The following ERCC3 variants were observed in gnomAD, a reference collection of about 807,000 sequenced individuals.
ERCC3 encodes the protein general transcription and DNA repair factor IIH helicase/translocase subunit XPB.
In ERCC3, 66 loss-of-function variants were observed where a neutral mutation model predicts 94.2. That is an observed-to-expected ratio of 0.70 (90% confidence interval 0.57 to 0.86). The LOEUF (loss-of-function observed/expected upper bound fraction) is 0.86, where lower values mean the gene tolerates loss of function less well. Among genes scored for constraint, ERCC3 ranks in the 40% least tolerant of loss-of-function variants. The pLI, the probability that ERCC3 is intolerant of heterozygous loss-of-function variation, is 0.00. For synonymous variants in ERCC3, 349 were observed against 369.1 expected (o/e 0.95, Z 0.63); for missense variants, 829 against 987.1 (o/e 0.84, Z 2.15).
At chr2:127,267,426 A>G (rs1015386328) in intron 12 of ERCC3, among the ~76,000 whole-genome samples, 1 of 141,290 alleles carries the variant, frequency 7.1e-6, no homozygotes, top group Admixed American at 7.0e-5. Flanking sequence ...CCCCTGCCCC[A>G]CTCTTTTTTT....
chr2:127,288,946 A>C (rs74359868), intron 6 of ERCC3, 82 bp from the exon 7 acceptor site: 1 of 1,106,210 alleles, frequency 9.0e-7, no homozygotes, highest in South Asian at 1.2e-5. Context: ...TCCAATGGTC[A>C]AAAAAGTGGC....
In ERCC3 at chr2:127,289,755, G is replaced by A. The variant is rs756400872; in HGVS notation, c.591C>T (p.Cys197=). The change falls in exon 5 of 15, where the codon TGC becomes TGT. Residue 197 remains cysteine (C), a synonymous_variant. Coordinates refer to ENST00000285398, the MANE Select transcript of ERCC3 (RefSeq NM_000122.2). ...CCTCCCCTTCAGAGTTTCTTAAGCGGCATTCTCGGATCACGGGGTCCTGGA... is the reference window on the plus strand; with the variant it reads ...CCTCCCCTTCAGAGTTTCTTAAGCGACATTCTCGGATCACGGGGTCCTGGA... The part of the protein sequence containing the change: ...HLLQDPVIRE[C]RLRNSEGEAT... 3.7e-6 allele frequency: 6 copies of A among 1,614,078 alleles called. No individual in the cohort carries two copies. The highest frequency in any genetic ancestry group is 5.1e-6 in the Non-Finnish European group (6 of 1,179,968).
Position 127,272,881 on chromosome 2 carries a change from G to C in ERCC3, c.1811C>G (p.Thr604Ser), listed in dbSNP as rs539101457. 6.2e-7 allele frequency: 1 copy of C among 1,612,684 alleles called. No individual in the cohort carries two copies. The highest frequency in any genetic ancestry group is 1.3e-5 in the African/African-American group (1 of 74,996). Residue 604 changes from threonine (T) to serine (S), a missense_variant, in exon 11 of 15, where the codon ACC becomes AGC. Transcript: ENST00000285398. ...QNFKHNPKINTIFISKVGDTS... is the reference protein window; with the variant it reads ...QNFKHNPKINSIFISKVGDTS... ...CACACAAACCTTGGATATGAAGATG[G>C]TGTTAATTTTGGGGTTGTGCTTGAA...
rs7558291 is a variant in ERCC3, at chr2:127,274,418, G to T, written c.1731-1457C>A. 3.9e-5 allele frequency among the ~76,000 whole-genome samples: 6 copies of T among 152,242 alleles called. No individual in the cohort carries two copies. The highest frequency in any genetic ancestry group is 3.3e-4 in the Admixed American group (5 of 15,290). ...GTTTCATGTTCCCCAATTTACATGT[G>T]GGAAACCAAGGGTCAGAAGCCTGAG... On this transcript the variant is annotated intron_variant, in intron 10 of 14. Transcript: ENST00000285398. The surrounding 1 kb of genome is among the most constrained non-coding windows in gnomAD (Gnocchi z 4.0).
Position 127,274,330 on chromosome 2 carries a change from A to G in ERCC3, c.1731-1369T>C, listed in dbSNP as rs1684665412. On this transcript the variant is annotated intron_variant, in intron 10 of 14. Transcript: ENST00000285398. This position sits in a 1 kb window ranked among gnomAD's most constrained non-coding sequence, Gnocchi z 4.0. Reference sequence around the variant, plus strand: ...ACTCCGTCTCAGAAAAAAAAAAAAAAGAAAAAGAAAAGAAAAAAATCCAGC... The same window carrying G: ...ACTCCGTCTCAGAAAAAAAAAAAAAGGAAAAAGAAAAGAAAAAAATCCAGC... Among the ~76,000 whole-genome samples, 1 of 151,558 alleles carries G rather than the reference A, an allele frequency of 6.6e-6. No homozygotes were observed. The highest frequency in any genetic ancestry group is 2.4e-5 in the African/African-American group (1 of 41,254).
At position 127,258,169 on chromosome 2, in the gene ERCC3, C is replaced by A. The variant is rs1166199628; in HGVS notation, c.2218-442G>T. On this transcript the variant is annotated intron_variant, in intron 14 of 14. Coordinates refer to ENST00000285398, the MANE Select transcript of ERCC3 (RefSeq NM_000122.2). This position sits in a 1 kb window ranked among gnomAD's most constrained non-coding sequence, Gnocchi z 4.1. ...GCTGGTCTCAAACTCCTGGACTCAA[C>A]TGATCCTCCCGCCTAGGCCTCCCAA... is the stretch of plus-strand genomic sequence containing the variant. Among the ~76,000 whole-genome samples, 1 of 152,074 alleles carries A rather than the reference C, an allele frequency of 6.6e-6. No individual in the cohort carries two copies. The highest frequency in any genetic ancestry group is 2.1e-4 in the South Asian group (1 of 4,826).
At chr2:127,270,730 G>A (rs1684521226) in intron 12 of ERCC3, among the ~76,000 whole-genome samples, 3 of 152,136 alleles carry the variant, frequency 2.0e-5, no homozygotes, top group Admixed American at 2.0e-4. Flanking sequence ...GTCAGTCCCT[G>A]CCATGTCCAC....
Position 127,291,145 on chromosome 2 carries a change from C to T in ERCC3, c.472-872G>A, listed in dbSNP as rs1243847202. On this transcript the variant is annotated intron_variant, in intron 3 of 14. Transcript: ENST00000285398. This position sits in a 1 kb window ranked among gnomAD's most constrained non-coding sequence, Gnocchi z 4.9. ...AGGGGCTGCCTATCCCCGCTGTTGTCCCTGATCCACCACTACAGTGCACCA... is the reference window on the plus strand; with the variant it reads ...AGGGGCTGCCTATCCCCGCTGTTGTTCCTGATCCACCACTACAGTGCACCA... Among the ~76,000 whole-genome samples, 1 of 152,188 alleles carries T rather than the reference C, an allele frequency of 6.6e-6. No homozygotes were observed. The highest frequency in any genetic ancestry group is 2.4e-5 in the African/African-American group (1 of 41,440).
At chr2:127,281,262 C>A (rs1001920211) in intron 8 of ERCC3, among the ~76,000 whole-genome samples, 5 of 152,164 alleles carry the variant, frequency 3.3e-5, no homozygotes, top group African/African-American at 1.2e-4. Flanking sequence ...TCCCAGAAAC[C>A]GAGAAGAAAG....
At position 127,258,109 on chromosome 2, in the gene ERCC3, T is replaced by C. The variant is rs1203252704; in HGVS notation, c.2218-382A>G. On this transcript the variant is annotated intron_variant, in intron 14 of 14. Coordinates refer to ENST00000285398, the MANE Select transcript of ERCC3 (RefSeq NM_000122.2). This position sits in a 1 kb window ranked among gnomAD's most constrained non-coding sequence, Gnocchi z 4.1. Reference sequence around the variant, plus strand: ...CAACTTCTGAACAAACTTTTTTTTTTTAAGAGAGAAACAGGGTCTCGATAT... The same window carrying C: ...CAACTTCTGAACAAACTTTTTTTTTCTAAGAGAGAAACAGGGTCTCGATAT... 6.6e-6 allele frequency among the ~76,000 whole-genome samples: 1 copy of C among 152,170 alleles called. No homozygotes were observed. Among genetic ancestry groups the C allele is most frequent in the Admixed American group, 6.5e-5 (1 of 15,276 alleles).
chr2:127,262,656 A>AG (rs1329024182), intron 12 of ERCC3: 8 of 152,304 alleles, frequency 5.3e-5, no homozygotes, highest in African/African-American at 1.9e-4. Context: ...AGAGGAAATT[A>AG]GGAGTGGCTG....
chr2:127,265,961 C>A (rs914959503), intron 12 of ERCC3, among the ~76,000 whole-genome samples: 1 of 152,076 alleles, frequency 6.6e-6, no homozygotes, highest in Non-Finnish European at 1.5e-5. Flanking sequence ...TGCTGTACCC[C>A]AGAGATTTAG....
chr2:127,279,264 G>A lies in ERCC3; in HGVS notation c.1639C>T (p.Leu547=), dbSNP rs969136814. ...TTCCTCCTTTCATGAAACTTGATCA[G>A]AAACTGGCAAGCTCTAAATTTGTTG... ...NPNKFRACQF[L]IKFHERRNDK... Residue 547 remains leucine, a synonymous_variant, in exon 10 of 15, where the codon CTG becomes TTG. Transcript: ENST00000285398. This position sits in a 1 kb window ranked among gnomAD's most constrained non-coding sequence, Gnocchi z 4.7. The A allele has an allele frequency of 1.9e-6, 3 of 1,613,726 alleles. No homozygotes were observed. The African/African-American group carries it at 4.0e-5, about 22-fold the overall frequency.
At chr2:127,283,143 T>C (rs60258016) in intron 8 of ERCC3, among the ~76,000 whole-genome samples, 18 of 65,078 alleles carry the variant, frequency 2.8e-4, no homozygotes, top group African/African-American at 1.1e-3. Flanking sequence ...GGGCGGGGGG[T>C]GGGGGGGGCA....
chr2:127,268,031 G>A (rs1684434517), intron 12 of ERCC3, among the ~76,000 whole-genome samples: 1 of 152,022 alleles, frequency 6.6e-6, no homozygotes, highest in South Asian at 2.1e-4. Context: ...TCGGCTCACT[G>A]AAACCTCTGC....
chr2:127,293,942 G>T, intron 1 of ERCC3, 112 bp downstream of exon 1: 2 of 1,537,108 alleles, frequency 1.3e-6, no homozygotes, highest in South Asian at 1.2e-5. Flanking sequence ...GGGTGCGCGC[G>T]GGAGGGCCAG....
In ERCC3 at chr2:127,268,118, T is replaced by A. The variant is rs367703550; in HGVS notation, c.1945+3218A>T. Among the ~76,000 whole-genome samples the A allele has an allele frequency of 2.3e-3, 352 of 152,178 alleles. 1 individual carries two copies. The highest frequency in any genetic ancestry group is 7.7e-3 in the African/African-American group (319 of 41,530). ...ATAGGCACCTGCCACCACGCCCGGC[T>A]AATTTTTGTATTTTTAGTGGAGATG... is the stretch of plus-strand genomic sequence containing the variant. On this transcript the variant is annotated intron_variant, in intron 12 of 14. Coordinates refer to ENST00000285398, the MANE Select transcript of ERCC3 (RefSeq NM_000122.2).
rs1054769172 is a variant in ERCC3 at position 127,293,610 on chromosome 2, A to G, written c.137T>C (p.Val46Ala). ...ATCCACTTTGGTGCCTGACTCATCC[A>G]CCTGCTTCCCCGCCGCCGAGGGAAC... Reference protein sequence around the residue: ...EAVPSAAGKQVDESGTKVDEY... With the variant: ...EAVPSAAGKQADESGTKVDEY... Residue 46 changes from valine to alanine, a missense_variant, in exon 2 of 15, where the codon GTG becomes GCG. Physicochemically the swap from Val to Ala is moderately conservative, Grantham distance 64 (BLOSUM62 0). Coordinates refer to ENST00000285398, the MANE Select transcript of ERCC3 (RefSeq NM_000122.2). 8 of 1,613,932 alleles carry G rather than the reference A, an allele frequency of 5.0e-6. No individual in the cohort carries two copies. In the African/African-American group the frequency reaches 1.1e-4, roughly 22 times the overall value.
chr2:127,293,659 G>A lies in ERCC3; in HGVS notation c.88C>T (p.Pro30Ser). The change falls in exon 2 of 15, where the codon CCG becomes TCG. Residue 30 changes from proline (P) to serine (S), a missense_variant. Transcript: ENST00000285398. ...EDEEDDEEDA[P>S]GNDPQEAVPS... ...ACCGCTTCCTGAGGGTCGTTCCCCGGGGCGTCCTCTTCATCATCCTCTTCA... is the reference window on the plus strand; with the variant it reads ...ACCGCTTCCTGAGGGTCGTTCCCCGAGGCGTCCTCTTCATCATCCTCTTCA... 1 of 1,614,104 alleles carries A rather than the reference G, an allele frequency of 6.2e-7. No homozygotes were observed. The highest frequency in any genetic ancestry group is 8.5e-7 in the Non-Finnish European group (1 of 1,180,034).
Sources: gnomAD v4.1 joint callset for allele counts (sites outside exome capture counted in the v4.1 genomes callset) on GRCh38, gnomAD v4.1.1 for gene constraint, Gnocchi (gnomAD v3.1) non-coding constraint, MANE v1.5 for transcripts, NCBI Gene and HGNC (gene_info 2026-07-23, HGNC 2026-07-21) for gene names.